TFEC: variants seen among roughly 807,000 people sequenced by gnomAD.
TFEC encodes transcription factor EC.
In TFEC, 31 loss-of-function variants were observed where a neutral mutation model predicts 41.6. The ratio of observed to expected loss-of-function variants is 0.74; its 90% CI spans 0.56 to 1.01. TFEC has a LOEUF of 1.01. Among genes scored for constraint, TFEC ranks in the 50% least tolerant of loss-of-function variants. TFEC has a pLI of 0.00. For synonymous variants in TFEC, 143 were observed against 140.6 expected (o/e 1.02, Z -0.12); for missense variants, 402 against 404.1 (o/e 0.99, Z 0.04).
chr7:116,092,824 C>T (rs568827220), intron 3 of TFEC, among the ~76,000 whole-genome samples: 1 of 152,106 alleles, frequency 6.6e-6, no homozygotes, highest in African/African-American at 2.4e-5. Context: ...GAGTAGTTAA[C>T]CACTTGCCAG....
chr7:116,152,178 A>G (rs1048544006), intron 1 of TFEC, among the ~76,000 whole-genome samples: 2 of 152,210 alleles, frequency 1.3e-5, no homozygotes, highest in African/African-American at 4.8e-5. Context: ...AAGAACAAGG[A>G]TCATATTTAC....
intron 3 of TFEC, among the ~76,000 whole-genome samples, chr7:116,063,280 A>T (rs1357003515): frequency 6.6e-6 from 1 of 152,208 alleles, no homozygotes; most frequent in Non-Finnish European, 1.5e-5. Context: ...CAGCGAAGGA[A>T]GATGCAAAGG....
intron 2 of TFEC, among the ~76,000 whole-genome samples, chr7:115,976,656 A>G (rs978079591): frequency 1.3e-5 from 2 of 152,154 alleles, no homozygotes; most frequent in African/African-American, 4.8e-5. Flanking sequence ...TTGTTATTAA[A>G]CTTGAATTTT....
intron 1 of TFEC, among the ~76,000 whole-genome samples, chr7:116,018,771 T>C (rs180748149): frequency 6.6e-6 from 1 of 152,080 alleles, no homozygotes; most frequent in Non-Finnish European, 1.5e-5. Flanking sequence ...ATATACCAAA[T>C]GGAATGGAAG....
At chr7:116,035,684 TAGAC>T (rs1007691342), upstream of TFEC, among the ~76,000 whole-genome samples, 31 of 152,176 alleles carry the variant, frequency 2.0e-4, 1 homozygote, top group Admixed American at 7.9e-4. Context: ...TAATATATAA[TAGAC>T]AGAAAGTGAA....
At chr7:115,948,124 T>C (rs1233133078) in intron 6 of TFEC, among the ~76,000 whole-genome samples, 2 of 151,938 alleles carry the variant, frequency 1.3e-5, no homozygotes, top group Non-Finnish European at 2.9e-5. Context: ...CCTCGACATA[T>C]ACACTCTCCC....
intron 1 of TFEC, among the ~76,000 whole-genome samples, chr7:116,133,384 T>C (rs1798372402): frequency 6.6e-6 from 1 of 152,092 alleles, no homozygotes; most frequent in Non-Finnish European, 1.5e-5. Context: ...ACCCCATCTC[T>C]ACTAAGAATA....
At chr7:115,969,661 C>T (rs968194170) in intron 3 of TFEC, among the ~76,000 whole-genome samples, 14 of 151,884 alleles carry the variant, frequency 9.2e-5, no homozygotes, top group Non-Finnish European at 1.5e-5. Flanking sequence ...AAATGTTAAG[C>T]AAGGAGAAAC....
chr7:115,941,041 TAATAC>T (rs1160315898), intron 7 of TFEC, 110 bp from the exon 8 acceptor site: 4 of 992,554 alleles, frequency 4.0e-6, no homozygotes, highest in East Asian at 2.6e-5. Flanking sequence ...AAATGAAGAG[TAATAC>T]AATACAAATT....
At chr7:116,105,418 A>G (rs1797694715) in intron 3 of TFEC, among the ~76,000 whole-genome samples, 1 of 152,214 alleles carries the variant, frequency 6.6e-6, no homozygotes, top group African/African-American at 2.4e-5. Context: ...GCCTCTACCT[A>G]GGTGCCTCTT....
At chr7:115,986,527 G>T (rs1010763433) in intron 1 of TFEC, among the ~76,000 whole-genome samples, 1 of 151,896 alleles carries the variant, frequency 6.6e-6, no homozygotes, top group African/African-American at 2.4e-5. Flanking sequence ...AAAAGAAGTG[G>T]TTTTAAAAAA....
At chr7:116,094,486 C>T (rs1440873073) in intron 3 of TFEC, among the ~76,000 whole-genome samples, 4 of 152,196 alleles carry the variant, frequency 2.6e-5, no homozygotes, top group African/African-American at 9.6e-5. Flanking sequence ...CGAGACCATC[C>T]TGGCTAATAT....
At chr7:115,999,470 A>C (rs552732865) in intron 1 of TFEC, among the ~76,000 whole-genome samples, 1 of 152,146 alleles carries the variant, frequency 6.6e-6, no homozygotes, top group African/African-American at 2.4e-5. Flanking sequence ...AAATTAGTGC[A>C]AGATCAGAAC....
rs749771118 is a variant in TFEC, at chr7:115,940,972, A to G, written c.664-41T>C. The G allele has an allele frequency of 1.2e-5, 19 of 1,524,978 alleles. No homozygotes were observed. In the Admixed American group the frequency reaches 2.7e-4, roughly 22 times the overall value. The allele number at this position is 1,524,978 out of a possible 1,614,324, so 94.5% of individuals were successfully genotyped here. ...AAAATCATTAAATAATGTCTTTGAA[A>G]TTGGATTTAACACTAGAGAATAAGC... is the stretch of plus-strand genomic sequence containing the variant. On this transcript the variant is annotated intron_variant, in intron 7 of 7. Transcript: ENST00000265440.
intron 6 of TFEC, among the ~76,000 whole-genome samples, chr7:115,943,904 A>G (rs1793639521): frequency 6.6e-6 from 1 of 150,792 alleles, no homozygotes; most frequent in South Asian, 2.2e-4. Flanking sequence ...ACTATGGAAA[A>G]TGTACAATCT....
At chr7:116,050,227 G>A (rs1796274711) in intron 3 of TFEC, among the ~76,000 whole-genome samples, 1 of 152,056 alleles carries the variant, frequency 6.6e-6, no homozygotes, top group South Asian at 2.1e-4. Flanking sequence ...AAAATTGATA[G>A]ACAGCTAGCA....
At chr7:115,992,008 C>A (rs1794140376) in intron 1 of TFEC, among the ~76,000 whole-genome samples, 1 of 152,198 alleles carries the variant, frequency 6.6e-6, no homozygotes, top group Admixed American at 6.5e-5. Flanking sequence ...CAAACTGTCT[C>A]TCAGACCACA....
chr7:116,080,471 T>C (rs959383787), intron 3 of TFEC, among the ~76,000 whole-genome samples: 1 of 151,110 alleles, frequency 6.6e-6, no homozygotes. Context: ...AACAAATCGA[T>C]GAGAAGAAAA....
chr7:115,952,224 T>C (rs1791985448), intron 5 of TFEC, among the ~76,000 whole-genome samples: 1 of 151,968 alleles, frequency 6.6e-6, no homozygotes. Flanking sequence ...TAAGAGTTTA[T>C]TTTCCCTCTT....
Sources: gnomAD v4.1 joint callset for allele counts (sites outside exome capture counted in the v4.1 genomes callset) on GRCh38, gnomAD v4.1.1 for gene constraint, MANE v1.5 for transcripts, NCBI Gene and HGNC (gene_info 2026-07-23, HGNC 2026-07-21) for gene names.